The following OR9Q1 variants were observed in gnomAD, a reference collection of about 807,000 sequenced individuals.
The protein encoded by OR9Q1 is olfactory receptor family 9 subfamily Q member 1, also known as olfactory receptor 9Q1.
For synonymous variants in OR9Q1, 153 were observed against 148.6 expected (o/e 1.03, Z -0.22); for missense variants, 374 against 378.8 (o/e 0.99, Z 0.11).
chr11:58,180,136 G>A lies in OR9Q1; in HGVS notation c.692G>A (p.Gly231Glu), dbSNP rs1441879803. ...IIVAIMGIPAGSQAKTFSTCT... is the reference protein window; with the variant it reads ...IIVAIMGIPAESQAKTFSTCT... The stretch of plus-strand genomic sequence containing the variant: ...GTGGCCATCATGGGGATCCCTGCTG[G>A]AAGCCAGGCCAAGACCTTCTCCACC... Residue 231 changes from glycine (G) to glutamate (E), a missense_variant, in exon 3 of 3, where the codon GGA becomes GAA. Physicochemically the swap from Gly to Glu is moderately conservative, Grantham distance 98. Transcript: ENST00000335397. 3 of 1,614,060 alleles carry A rather than the reference G, an allele frequency of 1.9e-6. No homozygotes were observed. The highest frequency in any genetic ancestry group is 2.5e-6 in the Non-Finnish European group (3 of 1,179,990).
intron 2 of OR9Q1, among the ~76,000 whole-genome samples, chr11:58,079,089 C>T (rs11229247): frequency 0.25 from 37,554 of 152,076 alleles, 5,261 homozygotes; most frequent in East Asian, 0.58. Context: ...GTTTATTCTA[C>T]GTCAATGCAT....
chr11:58,071,721 A>G (rs185921878), intron 2 of OR9Q1, among the ~76,000 whole-genome samples: 34 of 152,300 alleles, frequency 2.2e-4, no homozygotes, highest in Middle Eastern at 3.4e-3. Flanking sequence ...GAATGTTTGC[A>G]TGCCACCCAA....
rs142656744 is a variant in OR9Q1, at chr11:58,045,580, T to C, written c.-92-10290T>C. Among the ~76,000 whole-genome samples, 17 of 152,222 alleles carry C rather than the reference T, an allele frequency of 1.1e-4. 1 individual carries two copies. Among genetic ancestry groups the C allele is most frequent in the African/African-American group, 2.9e-4 (12 of 41,546 alleles). ...GTGGTGTTGGGATTAAATAAGACAATGTAAGTGAAGTCCATATCATAGTGA... is the reference window on the plus strand; with the variant it reads ...GTGGTGTTGGGATTAAATAAGACAACGTAAGTGAAGTCCATATCATAGTGA... On this transcript the variant is annotated intron_variant, in intron 1 of 2. Transcript: ENST00000335397.
chr11:58,060,693 G>A (rs1369584478), intron 2 of OR9Q1, among the ~76,000 whole-genome samples: 1 of 152,206 alleles, frequency 6.6e-6, no homozygotes, highest in Non-Finnish European at 1.5e-5. Flanking sequence ...CAAAAAGTAG[G>A]GGGGTGTGGT....
intron 2 of OR9Q1, among the ~76,000 whole-genome samples, chr11:58,157,631 C>T (rs17152420): frequency 0.048 from 7,360 of 152,234 alleles, 602 homozygotes; most frequent in African/African-American, 0.17. Context: ...CTTAATGCTA[C>T]ACATCAGGCT....
rs147179661 is a variant in OR9Q1 at position 58,119,045 on chromosome 11, C to T, written c.-14-60386C>T. ...CAGCAGAGCCTGGGATTCATGGCCA[C>T]GGTATAGAGCAGTGGGTTGCGAATG... is the stretch of plus-strand genomic sequence containing the variant. On this transcript the variant is annotated intron_variant, in intron 2 of 2. Coordinates refer to ENST00000335397, the MANE Select transcript of OR9Q1 (RefSeq NM_001005212.4). 1.7e-3 allele frequency: 2,809 copies of T among 1,613,948 alleles called. 16 individuals carry two copies. Among genetic ancestry groups the T allele is most frequent in the South Asian group, 7.0e-3 (637 of 91,064 alleles).
intron 2 of OR9Q1, among the ~76,000 whole-genome samples, chr11:58,168,475 T>C (rs950929581): frequency 2.6e-5 from 4 of 152,304 alleles, no homozygotes; most frequent in Admixed American, 6.5e-5. Flanking sequence ...TAGCTTCAGG[T>C]CATATTTAAT....
chr11:58,120,219 G>C (rs936732281), intron 2 of OR9Q1, among the ~76,000 whole-genome samples: 1 of 151,974 alleles, frequency 6.6e-6, no homozygotes, highest in African/African-American at 2.4e-5. Flanking sequence ...GTTCAAACTC[G>C]TGGACTTGCT....
intron 2 of OR9Q1, among the ~76,000 whole-genome samples, chr11:58,094,258 G>A (rs1853710784): frequency 6.6e-6 from 1 of 152,130 alleles, no homozygotes; most frequent in Non-Finnish European, 1.5e-5. Flanking sequence ...CATAGACATA[G>A]ACTGTGGAAT....
chr11:58,127,195 C>A (rs1364432394), intron 2 of OR9Q1, among the ~76,000 whole-genome samples: 1 of 152,110 alleles, frequency 6.6e-6, no homozygotes, highest in Non-Finnish European at 1.5e-5. Flanking sequence ...AGTGATCTGC[C>A]CGCCTCGGCC....
chr11:58,037,699 T>A (rs1371492883), intron 1 of OR9Q1, among the ~76,000 whole-genome samples: 112 of 7,060 alleles, frequency 0.016, 4 homozygotes, highest in African/African-American at 0.026. Context: ...ATTTTTTTTT[T>A]TTTTTTTTTT....
chr11:58,137,688 G>C lies in OR9Q1; in HGVS notation c.-14-41743G>C, dbSNP rs1033567813. Among the ~76,000 whole-genome samples, 11 of 152,238 alleles carry C rather than the reference G, an allele frequency of 7.2e-5. No homozygotes were observed. In the South Asian group the frequency reaches 1.2e-3, roughly 17 times the overall value. On this transcript the variant is annotated intron_variant, in intron 2 of 2. Transcript: ENST00000335397. ...GGGTACATGACCCTGGAGCCTGACA[G>C]ACCACAGTTCAAATCCCTGCCTAGG...
chr11:58,034,735 T>TTCC (rs1853079294), intron 1 of OR9Q1, among the ~76,000 whole-genome samples: 1 of 111,398 alleles, frequency 9.0e-6, no homozygotes, highest in African/African-American at 3.3e-5. Context: ...GGTTTCTTTC[T>TTCC]TTCCTTCCTT....
At chr11:58,069,626 C>A (rs1853466932) in intron 2 of OR9Q1, among the ~76,000 whole-genome samples, 1 of 152,186 alleles carries the variant, frequency 6.6e-6, no homozygotes, top group Non-Finnish European at 1.5e-5. Context: ...ATAATCCCAG[C>A]ACTCTGGGAG....
intron 2 of OR9Q1, among the ~76,000 whole-genome samples, chr11:58,112,531 G>A (rs896851079): frequency 3.3e-5 from 5 of 152,158 alleles, no homozygotes; most frequent in South Asian, 4.2e-4. Flanking sequence ...GACATGTCCC[G>A]TTGGACTTGC....
chr11:58,173,787 G>A (rs1021098932), intron 2 of OR9Q1, among the ~76,000 whole-genome samples: 1 of 152,130 alleles, frequency 6.6e-6, no homozygotes, highest in African/African-American at 2.4e-5. Context: ...CGTTCTTCCT[G>A]TTTTCTAGTG....
chr11:58,129,199 C>T (rs769380406), intron 2 of OR9Q1, among the ~76,000 whole-genome samples: 3 of 151,212 alleles, frequency 2.0e-5, no homozygotes, highest in Non-Finnish European at 4.4e-5. Context: ...CCACAACGTC[C>T]GATTAAACCA....
chr11:58,120,425 T>C (rs552688731), intron 2 of OR9Q1, among the ~76,000 whole-genome samples: 1 of 152,132 alleles, frequency 6.6e-6, no homozygotes, highest in East Asian at 1.9e-4. Flanking sequence ...GAAAAGAAAA[T>C]TTATTATCTT....
At chr11:58,041,745 G>T (rs1853165787) in intron 1 of OR9Q1, 1 of 152,236 alleles carries the variant, frequency 6.6e-6, no homozygotes, top group Non-Finnish European at 1.5e-5. Context: ...ATTTTTCCGT[G>T]GTCAAGCAGT....
Sources: allele counts gnomAD v4.1 joint callset (sites outside exome capture counted in the v4.1 genomes callset), GRCh38; gene constraint gnomAD v4.1.1; transcripts MANE v1.5; gene names NCBI Gene and HGNC (gene_info 2026-07-23, HGNC 2026-07-21).